Variants in HCN2 observed in about 807,000 individuals in gnomAD.
The protein encoded by HCN2 is potassium/sodium hyperpolarization-activated cyclic nucleotide-gated channel 2.
In HCN2, 20 loss-of-function variants were observed where a neutral mutation model predicts 52.3. The ratio of observed to expected loss-of-function variants is 0.38; its 90% CI spans 0.27 to 0.56. The LOEUF is 0.56. Ranked by LOEUF, HCN2 falls within the 20% of genes least tolerant of loss-of-function variation. The pLI is 0.71. For missense variants in HCN2, 981 were observed against 1,207.7 expected, an observed-to-expected ratio of 0.81 and a Z score of 2.78; for synonymous variants, 694 against 537.0, an observed-to-expected ratio of 1.29 and a Z score of -4.04.
At chr19:613,698 TGGGGCC>T (rs1339962471) in intron 6 of HCN2, among the ~76,000 whole-genome samples, 148 bp from the exon 7 acceptor site, 1 of 16,264 alleles carries the variant, frequency 6.1e-5, no homozygotes, top group Non-Finnish European at 1.1e-4. Flanking sequence ...GGGCCGGGGA[TGGGGCC>T]GGGGATGGGG....
At position 592,176 on chromosome 19, in the gene HCN2, G is replaced by A. The variant is rs1475969145; in HGVS notation, c.632+1599G>A. ...TTCCAGTCGGGCAGTGGCACCCCCTGACCGGAGAGGGACGCGGTGGAGAGG... is the reference window on the plus strand; with the variant it reads ...TTCCAGTCGGGCAGTGGCACCCCCTAACCGGAGAGGGACGCGGTGGAGAGG... On this transcript the variant is annotated intron_variant, in intron 1 of 7. Coordinates refer to ENST00000251287, the MANE Select transcript of HCN2 (RefSeq NM_001194.4). This position sits in a 1 kb window ranked among gnomAD's most constrained non-coding sequence, Gnocchi z 4.8. Among the ~76,000 whole-genome samples the A allele has an allele frequency of 6.6e-6, 1 of 152,214 alleles. No individual in the cohort carries two copies.
rs544789325 is a variant in HCN2, at chr19:594,327, A to T, written c.632+3750A>T. On this transcript the variant is annotated intron_variant, in intron 1 of 7. Coordinates refer to ENST00000251287, the MANE Select transcript of HCN2 (RefSeq NM_001194.4). ...CACAGGGCAGGTGTCGGGTGGAGAG[A>T]GGCTGGCGGCTTCCTGACTGCCCTC... 2.1e-3 allele frequency among the ~76,000 whole-genome samples: 313 copies of T among 152,064 alleles called. 4 individuals carry two copies. Among genetic ancestry groups the T allele is most frequent in the African/African-American group, 7.3e-3 (302 of 41,482 alleles).
chr19:593,794 C>T (rs1982943394), intron 1 of HCN2, among the ~76,000 whole-genome samples: 2 of 152,158 alleles, frequency 1.3e-5, no homozygotes, highest in South Asian at 4.1e-4. Flanking sequence ...GTTTTGGGTT[C>T]CAGAGGCTCA....
At chr19:602,687 G>A (rs1467332326) in intron 1 of HCN2, among the ~76,000 whole-genome samples, 4 of 152,292 alleles carry the variant, frequency 2.6e-5, no homozygotes, top group African/African-American at 9.6e-5. Context: ...GTCCTGTCCT[G>A]TCTATTTTTT....
chr19:600,478 C>T (rs1395240036), intron 1 of HCN2, among the ~76,000 whole-genome samples: 6 of 152,112 alleles, frequency 3.9e-5, no homozygotes, highest in East Asian at 1.9e-4. Context: ...GTAGCTGGGA[C>T]TACAGGCACG....
At chr19:610,901 G>A (rs187883577) in intron 5 of HCN2, among the ~76,000 whole-genome samples, 64 of 152,080 alleles carry the variant, frequency 4.2e-4, no homozygotes, top group African/African-American at 1.5e-3. Flanking sequence ...CAAGGCGTGG[G>A]CCGGGCCGTG....
intron 7 of HCN2, 91 bp downstream of exon 7, chr19:614,107 G>C (rs926030952): frequency 1.4e-6 from 1 of 740,320 alleles, no homozygotes; most frequent in African/African-American, 3.1e-5. Context: ...ACAGTGGCAG[G>C]GGGAAGGGCG....
At position 616,270 on chromosome 19, in the gene HCN2, C is replaced by G. The variant is rs1197255632; in HGVS notation, c.2466C>G (p.Ala822=). 9.6e-7 allele frequency: 1 copy of G among 1,044,562 alleles called. No individual in the cohort carries two copies. The highest frequency in any genetic ancestry group is 1.1e-6 in the Non-Finnish European group (1 of 871,472). The allele number at this position is 1,044,562 out of a possible 1,614,324, so 64.7% of individuals were successfully genotyped here. A position where few individuals can be genotyped will look rare whatever the true frequency, so the allele number is the denominator to read the frequency against. ...RLSRASRPLS[A]SQPSLPHGAP... is the part of the protein sequence containing the mutation. ...GCCGCGCGTCGCGCCCACTGTCCGC[C>G]TCGCAGCCCTCGCTGCCTCACGGCG... Residue 822 remains alanine, a synonymous_variant, in exon 8 of 8, where the codon GCC becomes GCG. Transcript: ENST00000251287.
intron 1 of HCN2, among the ~76,000 whole-genome samples, chr19:599,857 T>A (rs1370648538): frequency 1.2e-4 from 8 of 68,978 alleles, no homozygotes; most frequent in African/African-American, 3.1e-4. Flanking sequence ...CGTGTGTGTG[T>A]GTGTGTGTGT....
At chr19:599,742 T>C (rs113112506) in intron 1 of HCN2, among the ~76,000 whole-genome samples, 42,613 of 151,800 alleles carry the variant, frequency 0.28, 7,444 homozygotes, top group African/African-American at 0.49. Context: ...GAGCCGAGAT[T>C]GTGCCATCGC....
At chr19:613,789 C>G in intron 6 of HCN2, 63 bp from the exon 7 acceptor site, 1 of 1,418,412 alleles carries the variant, frequency 7.1e-7, no homozygotes, top group Non-Finnish European at 9.2e-7. Context: ...GGCCGTGTGC[C>G]TGGGCGGGGA....
intron 1 of HCN2, among the ~76,000 whole-genome samples, chr19:598,348 C>A (rs1983100768): frequency 6.6e-6 from 1 of 151,982 alleles, no homozygotes; most frequent in Admixed American, 6.5e-5. Context: ...ACTCTGTCAC[C>A]CAGGCTGGAG....
chr19:607,041 G>T (rs9677027), intron 3 of HCN2, among the ~76,000 whole-genome samples: 2 of 151,308 alleles, frequency 1.3e-5, no homozygotes, highest in African/African-American at 4.9e-5. Flanking sequence ...GCGTGGTGGC[G>T]CATGCCTGTA....
rs757001154 is a variant in HCN2 at position 590,437 on chromosome 19, G to T, written c.492G>T (p.Gln164His). Residue 164 changes from glutamine to histidine, a missense_variant, in exon 1 of 8, where the codon CAG (glutamine) becomes CAT (histidine). By Grantham distance (24) the Gln-to-His change is conservative (BLOSUM62 0). Around this residue, in one of 6 missense-constraint regions of HCN2, gnomAD observed 215 missense variants for 179.4 expected, o/e 1.20. Transcript: ENST00000251287. This position sits in a 1 kb window ranked among gnomAD's most constrained non-coding sequence, Gnocchi z 7.2. ...EPRGSQASFMQRQFGALLQPG... is the reference protein window; with the variant it reads ...EPRGSQASFMHRQFGALLQPG... Reference sequence around the variant, plus strand: ...GCGGCAGCCAGGCCAGCTTCATGCAGCGCCAGTTCGGCGCGCTCCTGCAGC... The same window carrying T: ...GCGGCAGCCAGGCCAGCTTCATGCATCGCCAGTTCGGCGCGCTCCTGCAGC... The T allele has an allele frequency of 4.0e-6, 6 of 1,497,006 alleles. No homozygotes were observed. Among genetic ancestry groups the T allele is most frequent in the Non-Finnish European group, 5.4e-6 (6 of 1,116,620 alleles). The allele number at this position is 1,497,006 out of a possible 1,614,324, so 92.7% of individuals were successfully genotyped here.
At chr19:598,767 AAAT>A (rs1983113473) in intron 1 of HCN2, among the ~76,000 whole-genome samples, 2 of 152,260 alleles carry the variant, frequency 1.3e-5, no homozygotes, top group South Asian at 4.1e-4. Context: ...TCACACAAAA[AAAT>A]AATACATTTT....
chr19:600,970 A>G (rs555037772), intron 1 of HCN2, among the ~76,000 whole-genome samples: 2 of 150,870 alleles, frequency 1.3e-5, no homozygotes, highest in African/African-American at 4.9e-5. Flanking sequence ...CCCGGCACCC[A>G]TGCATCCCCT....
rs1307355062 is a variant in HCN2 at position 616,881 on chromosome 19, G to T, written c.*407G>T. 8.7e-6 allele frequency: 2 copies of T among 230,694 alleles called. No homozygotes were observed. The highest frequency in any genetic ancestry group is 1.7e-5 in the Non-Finnish European group (2 of 119,054). The allele number at this position is 230,694 out of a possible 1,614,324, so 14.3% of individuals were successfully genotyped here. Reference sequence around the variant, plus strand: ...GTTTTCTAAGTGCAATACTTGGCCCGCCGGCTTCCCGCTGCCCCCATCGCG... The same window carrying T: ...GTTTTCTAAGTGCAATACTTGGCCCTCCGGCTTCCCGCTGCCCCCATCGCG... On this transcript the variant is annotated 3_prime_UTR_variant, in exon 8 of 8. Transcript: ENST00000251287.
At chr19:613,205 G>C (rs1384401106) in intron 5 of HCN2, 43 bp from the exon 6 acceptor site, 3 of 1,569,168 alleles carry the variant, frequency 1.9e-6, no homozygotes, top group East Asian at 2.4e-5. Context: ...GGGGAAGCGG[G>C]AGTGGGGTCC....
intron 1 of HCN2, among the ~76,000 whole-genome samples, chr19:602,861 C>T (rs976056554): frequency 2.0e-5 from 3 of 152,178 alleles, no homozygotes; most frequent in African/African-American, 7.2e-5. Context: ...GCGCAGTGGG[C>T]GTTGGGCTCC....
Sources: gnomAD v4.1 joint callset for allele counts (sites outside exome capture counted in the v4.1 genomes callset) on GRCh38, gnomAD v4.1.1 for gene constraint, gnomAD v4.1.1 regional missense constraint, Gnocchi (gnomAD v3.1) non-coding constraint, MANE v1.5 for transcripts, NCBI Gene and HGNC (gene_info 2026-07-23, HGNC 2026-07-21) for gene names.